Variants in TENM2 observed in about 807,000 individuals in gnomAD.
The protein encoded by TENM2 is teneurin transmembrane protein 2, also known as teneurin-2.
Under a neutral mutation model 245.2 loss-of-function variants are expected in TENM2, and 52 were observed. That is an observed-to-expected ratio of 0.21 (90% CI 0.17 to 0.27). The LOEUF (loss-of-function observed/expected upper bound fraction) is 0.27, where lower values mean the gene tolerates loss of function less well. Ranked by LOEUF, TENM2 falls within the 10% of genes least tolerant of loss-of-function variation. The probability of loss-of-function intolerance (pLI) is 1.00; values close to 1 mark genes in which losing one functional copy is unlikely to be tolerated. For missense variants in TENM2, 3,046 were observed against 3,666.8 expected (o/e 0.83, Z 4.37); for synonymous variants, 1,363 against 1,438.9 (o/e 0.95, Z 1.19).
intron 2 of TENM2, among the ~76,000 whole-genome samples, chr5:167,632,801 A>G (rs1278986239): frequency 4.6e-5 from 7 of 152,208 alleles, no homozygotes; most frequent in Admixed American, 2.0e-4. Context: ...AAAATACTCC[A>G]TGAAAGGAAA....
At chr5:167,058,691 C>A in the TENM2 span, among the ~76,000 whole-genome samples, 1 of 151,950 alleles carries the variant, frequency 6.6e-6, no homozygotes, top group Admixed American at 6.6e-5. Context: ...TTCAAGGCTT[C>A]GGTCAGCCAT....
At chr5:168,241,654 T>C (rs1766113786) in intron 25 of TENM2, among the ~76,000 whole-genome samples, 1 of 152,154 alleles carries the variant, frequency 6.6e-6, no homozygotes, top group Admixed American at 6.5e-5. Context: ...GGAGAATCTG[T>C]AGTCCTGGGT....
intron 2 of TENM2, among the ~76,000 whole-genome samples, chr5:167,433,825 A>G (rs1343699291): frequency 6.6e-6 from 1 of 152,114 alleles, no homozygotes; most frequent in African/African-American, 2.4e-5. Context: ...TCTTTTTATG[A>G]GGAAAGCCTC....
At chr5:168,262,795 G>A (rs1768333483) in exon 29 of TENM2, 2 of 1,602,404 alleles carry the variant, frequency 1.2e-6, no homozygotes, top group Non-Finnish European at 8.5e-7. Flanking sequence ...GACAGAATGA[G>A]ATGGGAAAGA....
At chr5:168,147,002 T>C (rs1287636036) in intron 12 of TENM2, among the ~76,000 whole-genome samples, 1 of 152,228 alleles carries the variant, frequency 6.6e-6, no homozygotes, top group East Asian at 1.9e-4. Context: ...ATTCCCCTTT[T>C]CACTTTACCA....
chr5:168,092,501 TACAG>T (rs778363471), intron 8 of TENM2, among the ~76,000 whole-genome samples: 6 of 152,200 alleles, frequency 3.9e-5, no homozygotes, highest in Non-Finnish European at 8.8e-5. Flanking sequence ...TCTGTCCCTT[TACAG>T]ACAAAGTTTG....
At chr5:168,155,892 TAAAAAAAAAAAAAAAAAAAAA>T (rs55977607) in intron 12 of TENM2, among the ~76,000 whole-genome samples, 1 of 96,930 alleles carries the variant, frequency 1.0e-5, no homozygotes, top group Non-Finnish European at 2.1e-5. Flanking sequence ...CTGGCATCTG[TAAAAAAAAAAAAAAAAAAAAA>T]AAAAAAAAAA....
chr5:167,917,293 G>A (rs1777026258), intron 3 of TENM2, among the ~76,000 whole-genome samples: 2 of 151,816 alleles, frequency 1.3e-5, no homozygotes, highest in Non-Finnish European at 2.9e-5. Flanking sequence ...CTCAGAAGCC[G>A]AGCAAAAAGA....
chr5:167,458,492 AAC>A (rs1389976289), intron 2 of TENM2, among the ~76,000 whole-genome samples: 15,618 of 111,772 alleles, frequency 0.14, 1,889 homozygotes, highest in Non-Finnish European at 0.2. Flanking sequence ...GTCTCAAAAA[AAC>A]AAAAAAAAAA....
chr5:166,999,611 C>T, the TENM2 span, among the ~76,000 whole-genome samples: 3 of 151,946 alleles, frequency 2.0e-5, no homozygotes, highest in Non-Finnish European at 4.4e-5. Context: ...AAGGGGTCAG[C>T]GTGCCTTAAC....
the TENM2 span, among the ~76,000 whole-genome samples, chr5:167,176,072 TGTG>T: frequency 6.6e-6 from 1 of 152,344 alleles, no homozygotes; most frequent in Non-Finnish European, 1.5e-5. Flanking sequence ...TTCATAAAGA[TGTG>T]GTGAATCTCT....
intron 5 of TENM2, among the ~76,000 whole-genome samples, chr5:168,023,895 C>G (rs1413508037): frequency 6.6e-6 from 1 of 152,124 alleles, no homozygotes; most frequent in East Asian, 1.9e-4. Context: ...TCCTCTAAGT[C>G]TCAAGCAGTT....
At chr5:167,757,678 C>G (rs1280792196) in intron 2 of TENM2, among the ~76,000 whole-genome samples, 3 of 152,124 alleles carry the variant, frequency 2.0e-5, no homozygotes, top group Non-Finnish European at 2.9e-5. Flanking sequence ...CTGTCTTCCA[C>G]AATGGTTGAA....
chr5:168,123,317 C>T (rs143842276), intron 10 of TENM2, among the ~76,000 whole-genome samples: 2 of 151,730 alleles, frequency 1.3e-5, no homozygotes, highest in African/African-American at 4.8e-5. Flanking sequence ...AACAAACAAA[C>T]AAAAAAGGCA....
At chr5:167,926,091 C>T (rs968228368) in intron 3 of TENM2, among the ~76,000 whole-genome samples, 10 of 151,978 alleles carry the variant, frequency 6.6e-5, no homozygotes, top group African/African-American at 2.2e-4. Context: ...TTCACGTGTA[C>T]CCTCAAACCT....
chr5:167,042,105 G>A, the TENM2 span, among the ~76,000 whole-genome samples: 1 of 152,164 alleles, frequency 6.6e-6, no homozygotes, highest in Non-Finnish European at 1.5e-5. Flanking sequence ...CTTGATCAAA[G>A]GGAATAAAAG....
At chr5:167,845,957 A>T (rs1561848025) in intron 2 of TENM2, among the ~76,000 whole-genome samples, 1 of 152,056 alleles carries the variant, frequency 6.6e-6, no homozygotes, top group Admixed American at 6.6e-5. Flanking sequence ...CATCCATTTG[A>T]TGTCACTCAA....
Position 167,416,533 on chromosome 5 carries a change from C to G in TENM2, c.502+41060C>G, listed in dbSNP as rs148908750. Among the ~76,000 whole-genome samples the G allele has an allele frequency of 8.3e-3, 1,260 of 152,196 alleles. 11 individuals are homozygous for G. The highest frequency in any genetic ancestry group is 0.011 in the Non-Finnish European group (752 of 68,004). ...GCAAGATAAACGGACTGTCAGGTGC[C>G]TCTAAAAGGCTTATGATGACAGCAG... On this transcript the variant is annotated intron_variant, in intron 2 of 28. Transcript: ENST00000518659.
At chr5:167,589,559 A>T (rs1775738389) in intron 2 of TENM2, among the ~76,000 whole-genome samples, 1 of 152,162 alleles carries the variant, frequency 6.6e-6, no homozygotes, top group African/African-American at 2.4e-5. Context: ...ATATTTTAAA[A>T]ATATATATTT....
Sources: gnomAD v4.1 joint callset for allele counts (sites outside exome capture counted in the v4.1 genomes callset) on GRCh38, gnomAD v4.1.1 for gene constraint, MANE v1.5 for transcripts, NCBI Gene and HGNC (gene_info 2026-07-23, HGNC 2026-07-21) for gene names.